POLE: variants seen among roughly 807,000 people sequenced by gnomAD.
POLE encodes DNA polymerase epsilon catalytic subunit A.
In POLE, 188 loss-of-function variants were observed where a neutral mutation model predicts 279.2. The ratio of observed to expected loss-of-function variants is 0.67; its 90% confidence interval spans 0.60 to 0.76. The LOEUF is 0.76. Ranked by LOEUF, POLE falls within the 30% of genes least tolerant of loss-of-function variation. The pLI, the probability that POLE is intolerant of heterozygous loss-of-function variation, is 0.00. For missense variants in POLE, 2,703 were observed against 3,016.7 expected, an observed-to-expected ratio of 0.90 and a Z score of 2.44; for synonymous variants, 1,214 against 1,172.5, an observed-to-expected ratio of 1.04 and a Z score of -0.72.
intron 5 of POLE, 64 bp downstream of exon 5, chr12:132,679,890 C>G (rs2043131907): frequency 8.0e-7 from 1 of 1,246,586 alleles, no homozygotes; most frequent in Non-Finnish European, 1.1e-6. Context: ...CTTCCGATCC[C>G]ACCTGCCAGG....
intron 32 of POLE, among the ~76,000 whole-genome samples, chr12:132,644,405 A>T (rs1436160135): frequency 7.4e-6 from 1 of 134,942 alleles, no homozygotes; most frequent in Non-Finnish European, 1.5e-5. Flanking sequence ...GACTCAAGTG[A>T]TCCTCCCAAA....
At chr12:132,678,475 G>A (rs1235957245) in intron 6 of POLE, among the ~76,000 whole-genome samples, 1 of 151,898 alleles carries the variant, frequency 6.6e-6, no homozygotes, top group Non-Finnish European at 1.5e-5. Flanking sequence ...TACTCAGGAG[G>A]CTGAGGTGAA....
chr12:132,673,414 G>A, intron 13 of POLE, 137 bp from the exon 14 acceptor site: 4 of 1,205,802 alleles, frequency 3.3e-6, no homozygotes, highest in South Asian at 1.3e-5. Context: ...CAAAACACGT[G>A]TGTCCCGGAG....
chr12:132,652,516 A>G (rs1410117638), intron 29 of POLE, among the ~76,000 whole-genome samples: 1 of 146,010 alleles, frequency 6.8e-6, no homozygotes, highest in South Asian at 2.2e-4. Context: ...TAGAGACGAG[A>G]CCTCCCTATG....
rs1284329139 is a variant in POLE at position 132,639,362 on chromosome 12, G to A, written c.5379-64C>T. 10 of 1,500,756 alleles carry A rather than the reference G, an allele frequency of 6.7e-6. No individual in the cohort carries two copies. The highest frequency in any genetic ancestry group is 2.4e-5 in the South Asian group (2 of 83,152). The allele number at this position is 1,500,756 out of a possible 1,614,324, so 93.0% of individuals were successfully genotyped here. On this transcript the variant is annotated intron_variant, in intron 39 of 48. Transcript: ENST00000320574. This position sits in a 1 kb window ranked among gnomAD's most constrained non-coding sequence, Gnocchi z 4.7. ...CTCCCACGCTGCTGCCACGCGGGAC[G>A]CTCCAACTGAAATGGGCACAGGTTT...
Position 132,661,213 on chromosome 12 carries a change from GA to G in POLE, c.2865-50del. ...CACAGCAGTGGCAAGGAGCGCTGGGGAGCCACCAGCTGTGCCTCATCCTCTC... is the reference window on the plus strand; with the variant it reads ...CACAGCAGTGGCAAGGAGCGCTGGGGGCCACCAGCTGTGCCTCATCCTCTC... On this transcript the variant is annotated intron_variant, in intron 24 of 48. Coordinates refer to ENST00000320574, the MANE Select transcript of POLE (RefSeq NM_006231.4). This position sits in a 1 kb window ranked among gnomAD's most constrained non-coding sequence, Gnocchi z 4.1. 2 of 1,509,528 alleles carry G rather than the reference GA, an allele frequency of 1.3e-6. No individual in the cohort carries two copies. Among genetic ancestry groups the G allele is most frequent in the Non-Finnish European group, 1.8e-6 (2 of 1,120,632 alleles). The allele number at this position is 1,509,528 out of a possible 1,614,324, so 93.5% of individuals were successfully genotyped here.
Position 132,673,226 on chromosome 12 carries a change from T to A in POLE, c.1411A>T (p.Met471Leu), listed in dbSNP as rs749021187. Residue 471 changes from methionine to leucine, a missense_variant, in exon 14 of 49, where the codon ATG (methionine) becomes TTG (leucine). Physicochemically the swap from Met to Leu is conservative, Grantham distance 15 (BLOSUM62 2). Coordinates refer to ENST00000320574, the MANE Select transcript of POLE (RefSeq NM_006231.4). ...SDAVATYYLY[M>L]KYVHPFIFAL... ...AAGATGAATGGGTGGACGTACTTCA[T>A]GTACAGGTAGTAAGTGGCGACAGCA... 2 of 1,613,940 alleles carry A rather than the reference T, an allele frequency of 1.2e-6. No individual in the cohort carries two copies. The highest frequency in any genetic ancestry group is 1.7e-6 in the Non-Finnish European group (2 of 1,179,772).
intron 46 of POLE, 154 bp from the exon 47 acceptor site, chr12:132,625,924 C>T (rs2041829399): frequency 8.6e-7 from 1 of 1,169,338 alleles, no homozygotes; most frequent in South Asian, 1.5e-5. Flanking sequence ...CCCACCTGCA[C>T]TTGAGCCCTT....
chr12:132,676,577 A>T lies in POLE; in HGVS notation c.878T>A (p.Ile293Asn), dbSNP rs2136015678. The T allele has an allele frequency of 6.2e-7, 1 of 1,613,888 alleles. No homozygotes were observed. Among genetic ancestry groups the T allele is most frequent in the East Asian group, 2.2e-5 (1 of 44,874 alleles). The part of the protein sequence containing the change: ...LKFPDAETDQ[I>N]MMISYMIDGQ... ...ATCGATCATGTAGGAAATCATCATAATCTGGTCTGTCTCAGCATCAGGAAA... is the reference window on the plus strand; with the variant it reads ...ATCGATCATGTAGGAAATCATCATATTCTGGTCTGTCTCAGCATCAGGAAA... Residue 293 changes from isoleucine (I) to asparagine (N), a missense_variant, in exon 9 of 49, where the codon ATT becomes AAT. Around this residue, in one of 5 missense-constraint regions of POLE, gnomAD observed 1,011 missense variants for 1,111.7 expected, o/e 0.91. Transcript: ENST00000320574.
In POLE at chr12:132,639,437, T is replaced by G. The variant is rs1348218179; in HGVS notation, c.5379-139A>C. 4.4e-6 allele frequency: 3 copies of G among 689,632 alleles called. No individual in the cohort carries two copies. Among genetic ancestry groups the G allele is most frequent in the Non-Finnish European group, 7.4e-6 (3 of 406,524 alleles). 42.7% of individuals were successfully genotyped at this position (689,632 alleles called of 1,614,324 possible). ...CGTCACTGTCGCCTCCCCTTCTCAC[T>G]GTCCCCACCTTAAGTCACGGTCCAA... On this transcript the variant is annotated intron_variant, in intron 39 of 48. Transcript: ENST00000320574. The surrounding 1 kb of genome is among the most constrained non-coding windows in gnomAD (Gnocchi z 4.7).
intron 1 of POLE, among the ~76,000 whole-genome samples, chr12:132,683,441 A>G (rs1300001642): frequency 6.6e-6 from 1 of 152,176 alleles, no homozygotes; most frequent in Admixed American, 6.5e-5. Flanking sequence ...ACACTTTCAT[A>G]TTACGACTTC....
At position 132,658,005 on chromosome 12, in the gene POLE, A is replaced by C. The variant is rs201678102; in HGVS notation, c.3276-35T>G. On this transcript the variant is annotated intron_variant, in intron 26 of 48. Transcript: ENST00000320574. ...GAAGACAGGCACACAGCTCAGTAAC[A>C]GTGAAAATCACCCAAAATCTGATCC... 2.2e-4 allele frequency: 302 copies of C among 1,350,790 alleles called. 2 individuals carry two copies. The Admixed American group carries it at 5.1e-3, about 23-fold the overall frequency. 83.7% of individuals were successfully genotyped at this position (1,350,790 alleles called of 1,614,324 possible).
At chr12:132,683,582 C>T (rs1267219951) in intron 1 of POLE, among the ~76,000 whole-genome samples, 1 of 152,088 alleles carries the variant, frequency 6.6e-6, no homozygotes, top group Non-Finnish European at 1.5e-5. Flanking sequence ...TTGAATGCAC[C>T]CGTAATCAAA....
chr12:132,626,901 C>T (rs542175391), intron 45 of POLE, among the ~76,000 whole-genome samples: 53 of 152,304 alleles, frequency 3.5e-4, no homozygotes, highest in African/African-American at 1.2e-3. Context: ...ACTAACATCA[C>T]AATAAAGCAA....
intron 41 of POLE, 124 bp downstream of exon 41, chr12:132,637,890 T>A (rs1294883702): frequency 4.1e-5 from 43 of 1,058,710 alleles, no homozygotes; most frequent in Admixed American, 1.3e-4. Context: ...AGATTCACCA[T>A]GGTGAGTCCT....
intron 35 of POLE, 114 bp from the exon 36 acceptor site, chr12:132,643,110 A>G (rs2042191760): frequency 6.8e-7 from 1 of 1,468,268 alleles, no homozygotes; most frequent in Non-Finnish European, 9.3e-7. Context: ...ACAAGCACTC[A>G]TGGGCAAAGG....
chr12:132,676,533 G>A lies in POLE; in HGVS notation c.909+13C>T, dbSNP rs747285298. ...CATCCCAGGAGCTTACTTCCCAGAA[G>A]CCACCTGCTCACCTGGCCATCGATC... On this transcript the variant is annotated intron_variant, in intron 9 of 48. Transcript: ENST00000320574. The A allele has an allele frequency of 6.3e-7, 1 of 1,574,944 alleles. No homozygotes were observed. The highest frequency in any genetic ancestry group is 2.2e-5 in the East Asian group (1 of 44,726).
chr12:132,675,461 C>A lies in POLE; in HGVS notation c.1163G>T (p.Gly388Val). Residue 388 changes from glycine to valine, a missense_variant, in exon 12 of 49, where the codon GGC (glycine) becomes GTC (valine). Gly to Val is a moderately radical substitution (Grantham distance 109, BLOSUM62 -3). Coordinates refer to ENST00000320574, the MANE Select transcript of POLE (RefSeq NM_006231.4). The surrounding 1 kb of genome is among the most constrained non-coding windows in gnomAD (Gnocchi z 4.3). ...CTCCCCCTGGCTGTCCTTCTGGAAGCCTATCTCCTGCTGCATGCTCAGACC... is the reference window on the plus strand; with the variant it reads ...CTCCCCCTGGCTGTCCTTCTGGAAGACTATCTCCTGCTGCATGCTCAGACC... ...VHGLSMQQEI[G>V]FQKDSQGEYK... is the part of the protein sequence containing the mutation. 6.2e-7 allele frequency: 1 copy of A among 1,614,196 alleles called. No homozygotes were observed. Among genetic ancestry groups the A allele is most frequent in the East Asian group, 2.2e-5 (1 of 44,876 alleles).
At chr12:132,641,154 C>T (rs887114747) in intron 39 of POLE, 6 of 436,950 alleles carry the variant, frequency 1.4e-5, no homozygotes, top group African/African-American at 8.1e-5. Flanking sequence ...GCTCGGCCCA[C>T]CTCCTGGTAC....
Sources: allele counts gnomAD v4.1 joint callset (sites outside exome capture counted in the v4.1 genomes callset), GRCh38; gene constraint gnomAD v4.1.1; regional missense constraint gnomAD v4.1.1; non-coding constraint Gnocchi (gnomAD v3.1); transcripts MANE v1.5; gene names NCBI Gene and HGNC (gene_info 2026-07-23, HGNC 2026-07-21).